The following DTNA variants were observed in gnomAD, a reference collection of about 807,000 sequenced individuals.
DTNA encodes dystrophin-related protein 3.
Under a neutral mutation model 100.7 loss-of-function variants are expected in DTNA, and 43 were observed. That is an observed-to-expected ratio of 0.43 (90% CI 0.33 to 0.55). DTNA has a LOEUF of 0.55. Among genes scored for constraint, DTNA ranks in the 20% least tolerant of loss-of-function variants. The pLI, the probability that DTNA is intolerant of heterozygous loss-of-function variation, is 0.04. For synonymous variants in DTNA, 349 were observed against 347.9 expected (o/e 1.00, Z -0.04); for missense variants, 798 against 953.9 (o/e 0.84, Z 2.15).
intron 1 of DTNA, among the ~76,000 whole-genome samples, chr18:34,494,211 A>G (rs1454451220): frequency 2.0e-5 from 3 of 151,862 alleles, no homozygotes; most frequent in Non-Finnish European, 4.4e-5. Context: ...TACCTCCATT[A>G]GGGATGATAC....
At chr18:34,644,340 G>A (rs916944868) in intron 1 of DTNA, among the ~76,000 whole-genome samples, 4 of 152,110 alleles carry the variant, frequency 2.6e-5, no homozygotes, top group African/African-American at 9.6e-5. Context: ...AATTATTTAT[G>A]ACTACTTGTA....
At chr18:34,722,721 T>A (rs1171146719) in intron 1 of DTNA, among the ~76,000 whole-genome samples, 1 of 151,948 alleles carries the variant, frequency 6.6e-6, no homozygotes, top group East Asian at 1.9e-4. Flanking sequence ...CTCCCACCTG[T>A]CCCTCCCCCA....
intron 1 of DTNA, among the ~76,000 whole-genome samples, chr18:34,653,866 A>T (rs1396613581): frequency 1.3e-5 from 2 of 152,172 alleles, no homozygotes; most frequent in African/African-American, 4.8e-5. Context: ...TGAGGAATCC[A>T]TGCTAAAATA....
intron 16 of DTNA, among the ~76,000 whole-genome samples, chr18:34,862,177 C>G (rs1361370407): frequency 2.0e-5 from 3 of 148,400 alleles, no homozygotes; most frequent in Non-Finnish European, 4.5e-5. Context: ...GAATTTGTCA[C>G]TGAGGAATAT....
intron 3 of DTNA, among the ~76,000 whole-genome samples, chr18:34,780,596 A>T (rs1380424062): frequency 6.6e-6 from 1 of 152,238 alleles, no homozygotes; most frequent in Non-Finnish European, 1.5e-5. Flanking sequence ...AAAGTGAGAA[A>T]AATTTATGTA....
At position 34,847,813 on chromosome 18, in the gene DTNA, G is replaced by A. The variant is rs576211272; in HGVS notation, c.1347-483G>A. ...TGCCATATGCTATTCATTAGAAGCA[G>A]ATTAGTAAGTCTAGCCCATCCTAAA... is the stretch of plus-strand genomic sequence containing the variant. On this transcript the variant is annotated intron_variant, in intron 13 of 22. Transcript: ENST00000444659. Among the ~76,000 whole-genome samples, 244 of 152,316 alleles carry A rather than the reference G, an allele frequency of 1.6e-3. 4 individuals are homozygous for A. The highest frequency in any genetic ancestry group is 5.7e-3 in the African/African-American group (237 of 41,572).
At chr18:34,695,895 AT>A (rs1356537566) in intron 1 of DTNA, among the ~76,000 whole-genome samples, 2 of 152,110 alleles carry the variant, frequency 1.3e-5, no homozygotes, top group East Asian at 3.9e-4. Flanking sequence ...GCATTTACCC[AT>A]TCTCTAATAT....
intron 1 of DTNA, among the ~76,000 whole-genome samples, chr18:34,656,363 A>T (rs1441236224): frequency 6.6e-6 from 1 of 152,188 alleles, no homozygotes; most frequent in Admixed American, 6.5e-5. Context: ...TATTTTCTGC[A>T]CGTCTTGCTA....
chr18:34,825,276 G>A, intron 9 of DTNA: 1 of 1,613,360 alleles, frequency 6.2e-7, no homozygotes, highest in Non-Finnish European at 8.5e-7. Context: ...GTGATACTTG[G>A]TAAGTAGTGC....
intron 1 of DTNA, among the ~76,000 whole-genome samples, chr18:34,557,129 T>C (rs542507856): frequency 0.065 from 9,411 of 145,858 alleles, 381 homozygotes; most frequent in African/African-American, 0.11. Flanking sequence ...CATCTTCCAT[T>C]GCTGATACCC....
At position 34,681,731 on chromosome 18, in the gene DTNA, C is replaced by CACA. The variant is rs1491407771; in HGVS notation, c.-1-74245_-1-74244insACA. On this transcript the variant is annotated intron_variant, in intron 1 of 19. Coordinates refer to the DTNA transcript ENST00000283365. ...ACACACACACACACACACACACACA[C>CACA]CCCACACACACACACCCTATGGACA... 6.6e-3 allele frequency among the ~76,000 whole-genome samples: 977 copies of CACA among 148,090 alleles called. 6 individuals carry two copies. The highest frequency in any genetic ancestry group is 0.023 in the African/African-American group (914 of 39,408).
intron 16 of DTNA, among the ~76,000 whole-genome samples, chr18:34,859,502 G>A (rs2096592319): frequency 6.6e-6 from 1 of 152,096 alleles, no homozygotes; most frequent in Non-Finnish European, 1.5e-5. Flanking sequence ...TGCAGGAGGC[G>A]ACCAATCAGA....
chr18:34,701,277 T>C (rs1267609250), intron 1 of DTNA, among the ~76,000 whole-genome samples: 2 of 152,336 alleles, frequency 1.3e-5, no homozygotes, highest in East Asian at 3.9e-4. Context: ...AAAAGGTTCT[T>C]GTTAAGTCAC....
chr18:34,537,671 A>G (rs1042325511), intron 1 of DTNA, among the ~76,000 whole-genome samples: 1 of 151,966 alleles, frequency 6.6e-6, no homozygotes, highest in African/African-American at 2.4e-5. Context: ...AGTACAAAAC[A>G]CAGAAGATAG....
At chr18:34,551,850 TG>T (rs1423138762) in intron 1 of DTNA, among the ~76,000 whole-genome samples, 1 of 152,178 alleles carries the variant, frequency 6.6e-6, no homozygotes, top group Non-Finnish European at 1.5e-5. Flanking sequence ...TTTACCTCTG[TG>T]ACGCATAAGA....
intron 2 of DTNA, among the ~76,000 whole-genome samples, chr18:34,763,170 G>A (rs563684681): frequency 4.6e-5 from 7 of 152,256 alleles, no homozygotes; most frequent in South Asian, 4.1e-4. Context: ...ATTATTTACA[G>A]ATATTGAGAC....
At chr18:34,841,881 G>A (rs2149770330) in intron 13 of DTNA, among the ~76,000 whole-genome samples, 1 of 152,260 alleles carries the variant, frequency 6.6e-6, no homozygotes, top group East Asian at 1.9e-4. Flanking sequence ...AACACACTGG[G>A]AAACTGACTT....
intron 1 of DTNA, among the ~76,000 whole-genome samples, chr18:34,560,770 A>G (rs1040780506): frequency 6.6e-6 from 1 of 152,064 alleles, no homozygotes; most frequent in Non-Finnish European, 1.5e-5. Context: ...ACACACACGC[A>G]ATTAGCCAGG....
At chr18:34,699,916 A>C (rs2081133370) in intron 1 of DTNA, among the ~76,000 whole-genome samples, 1 of 152,198 alleles carries the variant, frequency 6.6e-6, no homozygotes, top group South Asian at 2.1e-4. Flanking sequence ...CACTTTAGAC[A>C]AGGACAGATC....
Sources: allele counts gnomAD v4.1 joint callset (sites outside exome capture counted in the v4.1 genomes callset), GRCh38; gene constraint gnomAD v4.1.1; transcripts MANE v1.5; gene names NCBI Gene and HGNC (gene_info 2026-07-23, HGNC 2026-07-21).